OR2M2: variants seen among roughly 807,000 people sequenced by gnomAD.
OR2M2 encodes olfactory receptor 2M2.
For missense variants in OR2M2, 467 were observed against 429.9 expected, an observed-to-expected ratio of 1.09 and a Z score of -0.76; for synonymous variants, 168 against 151.7, an observed-to-expected ratio of 1.11 and a Z score of -0.79.
intron 1 of OR2M2, among the ~76,000 whole-genome samples, chr1:248,178,509 A>G (rs538980316): frequency 3.3e-5 from 5 of 152,156 alleles, no homozygotes; most frequent in African/African-American, 1.2e-4. Context: ...ATACATTTCT[A>G]TTTTCTCTGT....
intron 1 of OR2M2, 64 bp downstream of exon 1, chr1:248,174,935 G>T (rs1180804837): frequency 2.0e-5 from 3 of 152,126 alleles, no homozygotes; most frequent in Admixed American, 6.6e-5. Context: ...GCCGAACATG[G>T]TGATGATTGA....
At chr1:248,179,403 A>T (rs767614434) in intron 1 of OR2M2, among the ~76,000 whole-genome samples, 2 of 152,224 alleles carry the variant, frequency 1.3e-5, no homozygotes, top group Non-Finnish European at 2.9e-5. Flanking sequence ...GGTTTTAGAT[A>T]TGCATAATTG....
Position 248,180,024 on chromosome 1 carries a change from C to T in OR2M2, c.39C>T (p.Ile13=). ...WENQTFNSDF[I]LLGIFNHSPP... ...ATCAGACCTTCAACTCCGACTTCAT[C>T]CTCCTTGGAATCTTCAATCACAGCC... The change falls in exon 2 of 2, where the codon ATC becomes ATT. Residue 13 remains isoleucine, a synonymous_variant. Transcript: ENST00000641836. 6.2e-7 allele frequency: 1 copy of T among 1,613,826 alleles called. No individual in the cohort carries two copies. Among genetic ancestry groups the T allele is most frequent in the Non-Finnish European group, 8.5e-7 (1 of 1,179,854 alleles).
Position 248,180,863 on chromosome 1 carries a change from G to C in OR2M2, c.878G>C (p.Arg293Pro). The change falls in exon 2 of 2, where the codon CGC becomes CCC. Residue 293 changes from arginine to proline, a missense_variant. Arg to Pro is a moderately radical substitution (Grantham distance 103). Coordinates refer to ENST00000641836, the MANE Select transcript of OR2M2 (RefSeq NM_001004688.2). ...CTGAATCCCCTCATCTACAGCCTCC[G>C]CAACAAGGAGGTGACTAGAGCATTC... ...PMLNPLIYSL[R>P]NKEVTRAFMK... The C allele has an allele frequency of 6.2e-7, 1 of 1,614,002 alleles. No individual in the cohort carries two copies. The highest frequency in any genetic ancestry group is 2.2e-5 in the East Asian group (1 of 44,868).
rs762587187 is a variant in OR2M2, at chr1:248,180,565, A to C, written c.580A>C (p.Ile194Leu). The C allele has an allele frequency of 1.2e-6, 2 of 1,613,670 alleles. No individual in the cohort carries two copies. Among genetic ancestry groups the C allele is most frequent in the Non-Finnish European group, 1.7e-6 (2 of 1,179,818 alleles). ...LLILSCNDTS[I>L]FEEVIFICCI... ...AATCCTCTCATGCAATGACACATCA[A>C]TATTTGAAGAGGTTATTTTCATCTG... Residue 194 changes from isoleucine to leucine, a missense_variant, in exon 2 of 2, where the codon ATA (isoleucine) becomes CTA (leucine). Coordinates refer to ENST00000641836, the MANE Select transcript of OR2M2 (RefSeq NM_001004688.2).
Position 248,180,693 on chromosome 1 carries a change from AG to A in OR2M2, c.709del (p.Ala237LeufsTer49). On this transcript the variant is annotated frameshift_variant, in exon 2 of 2. Coordinates refer to ENST00000641836, the MANE Select transcript of OR2M2 (RefSeq NM_001004688.2). LOFTEE classifies it low-confidence loss of function (END_TRUNC). ...TGGGATCTGGAGAGGGTCGTTGCAAAGCTTTCACGACCTGTTCCTCTCACCT... is the reference window on the plus strand; with the variant it reads ...TGGGATCTGGAGAGGGTCGTTGCAAACTTTCACGACCTGTTCCTCTCACCT... ...HMGSGEGRCK[A>X]FTTCSSHLMV... 6.2e-7 allele frequency: 1 copy of A among 1,612,706 alleles called. No homozygotes were observed. The highest frequency in any genetic ancestry group is 2.2e-5 in the East Asian group (1 of 44,882).
Position 248,180,591 on chromosome 1 carries a change from C to T in OR2M2, c.606C>T (p.Cys202=). ...TATTTGAAGAGGTTATTTTCATCTG[C>T]TGTATAGTAATGCTTGTTTTCCCTG... ...TSIFEEVIFI[C]CIVMLVFPVA... The change falls in exon 2 of 2, where the codon TGC becomes TGT. Residue 202 remains cysteine, a synonymous_variant. Coordinates refer to ENST00000641836, the MANE Select transcript of OR2M2 (RefSeq NM_001004688.2). The T allele has an allele frequency of 8.7e-6, 14 of 1,613,410 alleles. No homozygotes were observed. Among genetic ancestry groups the T allele is most frequent in the African/African-American group, 1.3e-5 (1 of 75,004 alleles).
chr1:248,180,216 C>T lies in OR2M2; in HGVS notation c.231C>T (p.Thr77=), dbSNP rs375347393. 2.1e-5 allele frequency: 34 copies of T among 1,614,160 alleles called. No individual in the cohort carries two copies. Among genetic ancestry groups the T allele is most frequent in the Non-Finnish European group, 2.5e-5 (30 of 1,180,016 alleles). Residue 77 remains threonine (T), a synonymous_variant, in exon 2 of 2, where the codon ACC becomes ACT. Coordinates refer to ENST00000641836, the MANE Select transcript of OR2M2 (RefSeq NM_001004688.2). ...TGGACCTCATGCTCATCTGCACCAC[C>T]GTACCCAAGATGGCCTTCAACTACC... is the stretch of plus-strand genomic sequence containing the variant. ...SLMDLMLICT[T]VPKMAFNYLS...
rs370996189 is a variant in OR2M2 at position 248,180,798 on chromosome 1, C to A, written c.813C>A (p.Asp271Glu). Residue 271 changes from aspartate to glutamate, a missense_variant, in exon 2 of 2, where the codon GAC (aspartate) becomes GAA (glutamate). Coordinates refer to ENST00000641836, the MANE Select transcript of OR2M2 (RefSeq NM_001004688.2). Reference sequence around the variant, plus strand: ...CATCTGATCACTCCCCAACGCAGGACAAGATGGTGTCTGTATTCTACACCA... The same window carrying A: ...CATCTGATCACTCCCCAACGCAGGAAAAGATGGTGTCTGTATTCTACACCA... ...RPTSDHSPTQ[D>E]KMVSVFYTIL... The A allele has an allele frequency of 6.2e-7, 1 of 1,613,952 alleles. No individual in the cohort carries two copies. The highest frequency in any genetic ancestry group is 8.5e-7 in the Non-Finnish European group (1 of 1,179,920).
intron 1 of OR2M2, among the ~76,000 whole-genome samples, chr1:248,179,557 A>T (rs1456029910): frequency 6.6e-6 from 1 of 152,206 alleles, no homozygotes; most frequent in African/African-American, 2.4e-5. Context: ...AGAGCGAAGC[A>T]TACATTTATT....
chr1:248,176,828 G>C (rs9435888), intron 1 of OR2M2, among the ~76,000 whole-genome samples: 19,778 of 151,946 alleles, frequency 0.13, 2,127 homozygotes, highest in African/African-American at 0.3. Context: ...TCAGGATTGG[G>C]TTTCACATTC....
intron 1 of OR2M2, among the ~76,000 whole-genome samples, chr1:248,175,194 T>G (rs1160941848): frequency 6.6e-6 from 1 of 152,112 alleles, no homozygotes; most frequent in Non-Finnish European, 1.5e-5. Flanking sequence ...GAGAACAGGA[T>G]ATAACCAAAT....
At position 248,180,309 on chromosome 1, in the gene OR2M2, T is replaced by G. The variant is rs1463511319; in HGVS notation, c.324T>G (p.Ser108=). 1.7e-5 allele frequency: 28 copies of G among 1,614,046 alleles called. No individual in the cohort carries two copies. The highest frequency in any genetic ancestry group is 2.4e-5 in the Non-Finnish European group (28 of 1,180,030). The stretch of plus-strand genomic sequence containing the variant: ...AAATTTTCTTCTATATATCACTGTC[T>G]GGCTCTGAATGTTTTCTTTTGGCTG... ...VTQIFFYISL[S]GSECFLLAVM... is the part of the protein sequence containing the mutation. Residue 108 remains serine (S), a synonymous_variant, in exon 2 of 2, where the codon TCT becomes TCG. Coordinates refer to ENST00000641836, the MANE Select transcript of OR2M2 (RefSeq NM_001004688.2).
chr1:248,180,006 C>A lies in OR2M2; in HGVS notation c.21C>A (p.Thr7=). The A allele has an allele frequency of 6.2e-7, 1 of 1,612,924 alleles. No individual in the cohort carries two copies. The highest frequency in any genetic ancestry group is 8.5e-7 in the Non-Finnish European group (1 of 1,179,402). The change falls in exon 2 of 2, where the codon ACC becomes ACA. Residue 7 remains threonine (T), a synonymous_variant. Transcript: ENST00000641836. MAWENQ[T]FNSDFILLGI... ...TCATCATGGCATGGGAGAATCAGAC[C>A]TTCAACTCCGACTTCATCCTCCTTG... is the stretch of plus-strand genomic sequence containing the variant.
In OR2M2 at chr1:248,180,127, C is replaced by T; in HGVS notation, c.142C>T (p.Leu48Phe). Residue 48 changes from leucine (L) to phenylalanine (F), a missense_variant, in exon 2 of 2, where the codon CTC (leucine) becomes TTC (phenylalanine). Transcript: ENST00000641836. ...CATGGGAAACTCTGTCATGGTTCTC[C>T]TCATCTACCTGGACACCCAGCTCCA... ...AFMGNSVMVLLIYLDTQLHTP... is the reference protein window; with the variant it reads ...AFMGNSVMVLFIYLDTQLHTP... 2.5e-6 allele frequency: 4 copies of T among 1,613,854 alleles called. No homozygotes were observed. In the South Asian group the frequency reaches 3.3e-5, roughly 13 times the overall value.
At position 248,180,194 on chromosome 1, in the gene OR2M2, A is replaced by G. The variant is rs1572781138; in HGVS notation, c.209A>G (p.Asp70Gly). 4 of 1,613,962 alleles carry G rather than the reference A, an allele frequency of 2.5e-6. No homozygotes were observed. Among genetic ancestry groups the G allele is most frequent in the East Asian group, 2.2e-5 (1 of 44,872 alleles). Reference protein sequence around the residue: ...YFLLSQLSLMDLMLICTTVPK... With the variant: ...YFLLSQLSLMGLMLICTTVPK... ...CTCCTCAGCCAACTGTCCCTCATGG[A>G]CCTCATGCTCATCTGCACCACCGTA... Residue 70 changes from aspartate to glycine, a missense_variant, in exon 2 of 2, where the codon GAC becomes GGC. Asp to Gly is a moderately conservative substitution (Grantham distance 94). Coordinates refer to ENST00000641836, the MANE Select transcript of OR2M2 (RefSeq NM_001004688.2).
In OR2M2 at chr1:248,181,037, A is replaced by C. The variant is rs1340186826; in HGVS notation, c.*8A>C. ...ATTATGTACATTGCCTAACATATTT[A>C]TGGGCACCTATACAATTTATTTCAG... On this transcript the variant is annotated 3_prime_UTR_variant, in exon 2 of 2. Transcript: ENST00000641836. 3 of 1,546,160 alleles carry C rather than the reference A, an allele frequency of 1.9e-6. No homozygotes were observed. In the Admixed American group the frequency reaches 5.3e-5, roughly 27 times the overall value.
intron 1 of OR2M2, among the ~76,000 whole-genome samples, chr1:248,175,244 A>C (rs2103005510): frequency 6.6e-6 from 1 of 152,254 alleles, no homozygotes; most frequent in East Asian, 1.9e-4. Context: ...TGTTTCAATA[A>C]TTGTAGCTCA....
intron 1 of OR2M2, chr1:248,178,102 T>G (rs1256547952): frequency 6.6e-6 from 1 of 152,070 alleles, no homozygotes; most frequent in Admixed American, 6.6e-5. Flanking sequence ...TTTATATAAA[T>G]AAATAAAACT....
Sources: allele counts gnomAD v4.1 joint callset (sites outside exome capture counted in the v4.1 genomes callset), GRCh38; gene constraint gnomAD v4.1.1; transcripts MANE v1.5; gene names NCBI Gene and HGNC (gene_info 2026-07-23, HGNC 2026-07-21).